DENND4B: variants seen among roughly 807,000 people sequenced by gnomAD.
DENND4B encodes DENN domain-containing protein 4B.
In DENND4B, 67 loss-of-function variants were observed where a neutral mutation model predicts 161.0. The observed-to-expected ratio is 0.42, with a 90% CI of 0.34 to 0.51. DENND4B has a LOEUF of 0.51. Among genes scored for constraint, DENND4B ranks in the 20% least tolerant of loss-of-function variants. The pLI, the probability that DENND4B is intolerant of heterozygous loss-of-function variation, is 0.08. For synonymous variants in DENND4B, 753 were observed against 813.8 expected (o/e 0.93, Z 1.27); for missense variants, 1,481 against 1,968.0 (o/e 0.75, Z 4.68).
In DENND4B at chr1:153,941,923, A is replaced by AGGAAGGCGC. The variant is rs1553205434; in HGVS notation, c.992_1000dup (p.Arg331_Phe333dup). The AGGAAGGCGC allele has an allele frequency of 1.9e-6, 3 of 1,612,292 alleles. No homozygotes were observed. Among genetic ancestry groups the AGGAAGGCGC allele is most frequent in the Non-Finnish European group, 2.5e-6 (3 of 1,179,880 alleles). ...GACGGAGTAGCGGTAAAGGAAGGTG[A>AGGAAGGCGC]GGAAGGCGCGGAAGGCAGGGAAGGC... is the stretch of plus-strand genomic sequence containing the variant. On this transcript the variant is annotated inframe_insertion, in exon 6 of 28. Transcript: ENST00000361217.
At chr1:153,935,441 G>A (rs1442679765) in intron 17 of DENND4B, among the ~76,000 whole-genome samples, 1 of 152,200 alleles carries the variant, frequency 6.6e-6, no homozygotes, top group Non-Finnish European at 1.5e-5. Context: ...CTGCCTCCCG[G>A]GTTCAAGTGA....
At position 153,930,029 on chromosome 1, in the gene DENND4B, A is replaced by C; in HGVS notation, c.*268T>G. The C allele has an allele frequency of 2.1e-6, 1 of 484,432 alleles. No homozygotes were observed. The highest frequency in any genetic ancestry group is 3.7e-6 in the Non-Finnish European group (1 of 270,564). The allele number at this position is 484,432 out of a possible 1,614,324, so 30.0% of individuals were successfully genotyped here. ...GGTACCCTGGAGGGGAGTTCCCGGT[A>C]TAGGACAAGGGAAGAACAGAGCTGT... On this transcript the variant is annotated 3_prime_UTR_variant, in exon 28 of 28. Transcript: ENST00000361217. This position sits in a 1 kb window ranked among gnomAD's most constrained non-coding sequence, Gnocchi z 4.7.
intron 2 of DENND4B, among the ~76,000 whole-genome samples, chr1:153,943,504 C>T (rs1303443649): frequency 6.6e-6 from 1 of 152,016 alleles, no homozygotes; most frequent in Non-Finnish European, 1.5e-5. Context: ...ATGGTCAAAC[C>T]CCATCTCTAC....
chr1:153,944,975 C>T lies in DENND4B; in HGVS notation c.-23-578G>A, dbSNP rs188400531. ...CCAAGTGTCCTTTCTCCTAGCTTAA[C>T]TCCACCAATCTGGCCCAAAATCCAG... On this transcript the variant is annotated intron_variant, in intron 1 of 27. Coordinates refer to ENST00000361217, the MANE Select transcript of DENND4B (RefSeq NM_014856.3). The surrounding 1 kb of genome is among the most constrained non-coding windows in gnomAD (Gnocchi z 4.8). Among the ~76,000 whole-genome samples the T allele has an allele frequency of 2.0e-5, 3 of 152,314 alleles. No individual in the cohort carries two copies. Among genetic ancestry groups the T allele is most frequent in the African/African-American group, 7.2e-5 (3 of 41,548 alleles).
intron 8 of DENND4B, 47 bp from the exon 9 acceptor site, chr1:153,941,095 G>T (rs757900198): frequency 1.0e-5 from 16 of 1,556,892 alleles, no homozygotes; most frequent in South Asian, 4.7e-5. Context: ...GATACCCTGG[G>T]GACCCTTCCC....
At chr1:153,945,254 G>T in intron 1 of DENND4B, 1 of 1,071,868 alleles carries the variant, frequency 9.3e-7, no homozygotes, top group Non-Finnish European at 1.2e-6. Context: ...AAGCGTGGGG[G>T]GTGCTTCAGA....
In DENND4B at chr1:153,942,055, C is replaced by T. The variant is rs758154532; in HGVS notation, c.869G>A (p.Arg290Gln). ...CAGCAGGCCCAGTGCCCGTGCCTGTCGCTCTGATAGCCTGGCCCTTGGGAA... is the reference window on the plus strand; with the variant it reads ...CAGCAGGCCCAGTGCCCGTGCCTGTTGCTCTGATAGCCTGGCCCTTGGGAA... ...EAFPRARLSE[R>Q]QARALGLLSA... The change falls in exon 6 of 28, where the codon CGA (arginine) becomes CAA (glutamine). Residue 290 changes from arginine (R) to glutamine (Q), a missense_variant. Physicochemically the swap from Arg to Gln is conservative, Grantham distance 43. This residue lies in a region of DENND4B where 806 missense variants were observed against 1,134.4 expected (regional missense o/e 0.71). Coordinates refer to ENST00000361217, the MANE Select transcript of DENND4B (RefSeq NM_014856.3). This position sits in a 1 kb window ranked among gnomAD's most constrained non-coding sequence, Gnocchi z 6.9. The T allele has an allele frequency of 4.3e-6, 7 of 1,612,012 alleles. No individual in the cohort carries two copies. Among genetic ancestry groups the T allele is most frequent in the East Asian group, 2.2e-5 (1 of 44,776 alleles).
Position 153,946,220 on chromosome 1 carries a change from C to T in DENND4B, c.-24+81G>A, listed in dbSNP as rs369775088. Reference sequence around the variant, plus strand: ...TGCAGTGAGGGACAGCAGCTGGGGGCCATCCCCCACCCCGCCTGCCGCCCG... The same window carrying T: ...TGCAGTGAGGGACAGCAGCTGGGGGTCATCCCCCACCCCGCCTGCCGCCCG... On this transcript the variant is annotated intron_variant, in intron 1 of 27. Transcript: ENST00000361217. This position sits in a 1 kb window ranked among gnomAD's most constrained non-coding sequence, Gnocchi z 6.3. The T allele has an allele frequency of 2.3e-4, 73 of 323,416 alleles. 1 individual carries two copies. In the East Asian group the frequency reaches 2.9e-3, roughly 13 times the overall value. The allele number at this position is 323,416 out of a possible 1,614,324, so 20.0% of individuals were successfully genotyped here.
rs566519011 is a variant in DENND4B at position 153,944,186 on chromosome 1, C to G, written c.189G>C (p.Gln63His). The G allele has an allele frequency of 6.2e-7, 1 of 1,612,486 alleles. No homozygotes were observed. Among genetic ancestry groups the G allele is most frequent in the Non-Finnish European group, 8.5e-7 (1 of 1,179,268 alleles). ...IARALGEEVP[Q>H]GYTCIQASAG... ...CAGAAGCCTGGATGCATGTGTAGCCCTGGGGCACTTCCTCGCCCAGTGCCC... is the reference window on the plus strand; with the variant it reads ...CAGAAGCCTGGATGCATGTGTAGCCGTGGGGCACTTCCTCGCCCAGTGCCC... Residue 63 changes from glutamine to histidine, a missense_variant, in exon 2 of 28, where the codon CAG becomes CAC. Physicochemically the swap from Gln to His is conservative, Grantham distance 24. Coordinates refer to ENST00000361217, the MANE Select transcript of DENND4B (RefSeq NM_014856.3). The surrounding 1 kb of genome is among the most constrained non-coding windows in gnomAD (Gnocchi z 4.8).
intron 2 of DENND4B, 26 bp from the exon 3 acceptor site, chr1:153,943,156 G>A (rs1436433903): frequency 1.9e-6 from 3 of 1,598,084 alleles, no homozygotes; most frequent in Non-Finnish European, 2.6e-6. Context: ...AAAGATAGAT[G>A]TTGAGAGGTC....
Position 153,934,701 on chromosome 1 carries a change from T to A in DENND4B, c.2773+59A>T. 6.4e-7 allele frequency: 1 copy of A among 1,555,994 alleles called. No homozygotes were observed. ...TAGACCAGCCCCAACTCTCTATGCC[T>A]TTCCCTGCCTGAGCCCAGCTACTCC... On this transcript the variant is annotated intron_variant, in intron 18 of 27. Transcript: ENST00000361217. The surrounding 1 kb of genome is among the most constrained non-coding windows in gnomAD (Gnocchi z 5.3).
In DENND4B at chr1:153,939,625, C is replaced by T. The variant is rs1679554425; in HGVS notation, c.1783G>A (p.Gly595Arg). 6.2e-7 allele frequency: 1 copy of T among 1,612,458 alleles called. No individual in the cohort carries two copies. Among genetic ancestry groups the T allele is most frequent in the Admixed American group, 1.7e-5 (1 of 59,952 alleles). The change falls in exon 12 of 28, where the codon GGA (glycine) becomes AGA (arginine). Residue 595 changes from glycine to arginine, a missense_variant. Transcript: ENST00000361217. ...LRPLTQAPSE[G>R]ARDVDNLFFL... The stretch of plus-strand genomic sequence containing the variant: ...AAAAGGTTGTCAACATCACGAGCTC[C>T]CTCGGAGGGGGCCTGGGTGAGTGGG...
Position 153,933,666 on chromosome 1 carries a change from C to T in DENND4B, c.3147G>A (p.Glu1049=). 6.4e-7 allele frequency: 1 copy of T among 1,570,408 alleles called. No individual in the cohort carries two copies. Among genetic ancestry groups the T allele is most frequent in the Non-Finnish European group, 8.6e-7 (1 of 1,159,356 alleles). The part of the protein sequence containing the change: ...RGPKAGGRQD[E]AGTPRRGLGA... The stretch of plus-strand genomic sequence containing the variant: ...CCAGCCCTCGTCGGGGGGTGCCTGC[C>T]TCATCCTGTCGCCCACCAGCCTTGG... Residue 1049 remains glutamate (E), a synonymous_variant, in exon 20 of 28, where the codon GAG becomes GAA. Transcript: ENST00000361217. The surrounding 1 kb of genome is among the most constrained non-coding windows in gnomAD (Gnocchi z 5.7).
chr1:153,943,140 G>A lies in DENND4B; in HGVS notation c.318-10C>T, dbSNP rs1292744625. 1 of 1,607,736 alleles carries A rather than the reference G, an allele frequency of 6.2e-7. No homozygotes were observed. Among genetic ancestry groups the A allele is most frequent in the Non-Finnish European group, 8.5e-7 (1 of 1,175,492 alleles). On this transcript the variant is annotated splice_polypyrimidine_tract_variant and intron_variant, in intron 2 of 27. Transcript: ENST00000361217. ...CCCCTCATACAACACCCTTGGCACA[G>A]AGAGCAAAGATAGATGTTGAGAGGT...
rs1557842260 is a variant in DENND4B, at chr1:153,929,513, A to T, written c.*784T>A. ...CAGGAGGCCGAAGGAAAAAGACAGA[A>T]GCAGCTTTTACTATATTTACATCCA... On this transcript the variant is annotated 3_prime_UTR_variant, in exon 28 of 28. Coordinates refer to ENST00000361217, the MANE Select transcript of DENND4B (RefSeq NM_014856.3). The T allele has an allele frequency of 6.6e-6, 1 of 152,300 alleles. No homozygotes were observed. Among genetic ancestry groups the T allele is most frequent in the Non-Finnish European group, 1.5e-5 (1 of 68,098 alleles). 9.4% of individuals were successfully genotyped at this position (152,300 alleles called of 1,614,324 possible). A position where few individuals can be genotyped will look rare whatever the true frequency, so the allele number is the denominator to read the frequency against.
In DENND4B at chr1:153,930,126, ACTTTTGGT is replaced by A; in HGVS notation, c.*163_*170del. 1.1e-6 allele frequency: 1 copy of A among 908,248 alleles called. No homozygotes were observed. The highest frequency in any genetic ancestry group is 1.6e-6 in the Non-Finnish European group (1 of 619,002). The allele number at this position is 908,248 out of a possible 1,614,324, so 56.3% of individuals were successfully genotyped here. A position where few individuals can be genotyped will look rare whatever the true frequency, so the allele number is the denominator to read the frequency against. On this transcript the variant is annotated 3_prime_UTR_variant, in exon 28 of 28. Transcript: ENST00000361217. The surrounding 1 kb of genome is among the most constrained non-coding windows in gnomAD (Gnocchi z 4.7). ...GTAGGTTGGTGATGGGGGAATCAGG[ACTTTTGGT>A]AACAGTGGATCCCTCTTCCTGTTGT... is the stretch of plus-strand genomic sequence containing the variant.
At position 153,930,635 on chromosome 1, in the gene DENND4B, G is replaced by T; in HGVS notation, c.4281-32C>A. On this transcript the variant is annotated intron_variant, in intron 26 of 27. Transcript: ENST00000361217. This position sits in a 1 kb window ranked among gnomAD's most constrained non-coding sequence, Gnocchi z 4.7. ...TGGAGGCAGAAGTGTATGAGTGAGA[G>T]AAAAGGGGTGTGGAGCCCCGGACAG... The T allele has an allele frequency of 6.2e-7, 1 of 1,613,884 alleles. No homozygotes were observed. Among genetic ancestry groups the T allele is most frequent in the South Asian group, 1.1e-5 (1 of 91,042 alleles).
At position 153,934,533 on chromosome 1, in the gene DENND4B, C is replaced by G. The variant is rs891361787; in HGVS notation, c.2773+227G>C. On this transcript the variant is annotated intron_variant, in intron 18 of 27. Transcript: ENST00000361217. This position sits in a 1 kb window ranked among gnomAD's most constrained non-coding sequence, Gnocchi z 5.3. The stretch of plus-strand genomic sequence containing the variant: ...CTCAGCTCACTGCAACCTCTGCCTC[C>G]TGGGTTCAAGTGATTCTCCTGCCTC... Among the ~76,000 whole-genome samples the G allele has an allele frequency of 6.6e-6, 1 of 152,130 alleles. No individual in the cohort carries two copies. Among genetic ancestry groups the G allele is most frequent in the Non-Finnish European group, 1.5e-5 (1 of 68,008 alleles).
In DENND4B at chr1:153,931,106, T is replaced by C. The variant is rs1041232689; in HGVS notation, c.3997-42A>G. On this transcript the variant is annotated intron_variant, in intron 24 of 27. Coordinates refer to ENST00000361217, the MANE Select transcript of DENND4B (RefSeq NM_014856.3). ...AGTGGAGACAGTTAGGCTCAACGAA[T>C]GGGAGGCAGAGGACAAGAAACGGAC... 4 of 1,510,858 alleles carry C rather than the reference T, an allele frequency of 2.6e-6. No individual in the cohort carries two copies. In the Admixed American group the frequency reaches 6.0e-5, roughly 23 times the overall value. The allele number at this position is 1,510,858 out of a possible 1,614,324, so 93.6% of individuals were successfully genotyped here. A position where few individuals can be genotyped will look rare whatever the true frequency, so the allele number is the denominator to read the frequency against.
Sources: allele counts gnomAD v4.1 joint callset (sites outside exome capture counted in the v4.1 genomes callset), GRCh38; gene constraint gnomAD v4.1.1; regional missense constraint gnomAD v4.1.1; non-coding constraint Gnocchi (gnomAD v3.1); transcripts MANE v1.5; gene names NCBI Gene and HGNC (gene_info 2026-07-23, HGNC 2026-07-21).